Variants in DPP8 observed in about 807,000 individuals in gnomAD.
DPP8 encodes DPP VIII.
A neutral mutation model predicts 107.5 loss-of-function variants in DPP8; 31 were observed. The ratio of observed to expected loss-of-function variants is 0.29; its 90% CI spans 0.22 to 0.39. DPP8 has a LOEUF of 0.39. DPP8 is among the 10% of genes least tolerant of loss of function. DPP8 has a pLI of 1.00. For missense variants in DPP8, 842 were observed against 1,076.1 expected (o/e 0.78, Z 3.04); for synonymous variants, 381 against 356.6 (o/e 1.07, Z -0.77).
At chr15:65,478,044 T>C (rs1208336507) in intron 11 of DPP8, among the ~76,000 whole-genome samples, 1 of 152,186 alleles carries the variant, frequency 6.6e-6, no homozygotes, top group Admixed American at 6.6e-5. Context: ...TTCCGTATTA[T>C]ATTTTCCAGA....
chr15:65,455,162 T>C (rs1056622635), intron 16 of DPP8, among the ~76,000 whole-genome samples: 12 of 152,202 alleles, frequency 7.9e-5, no homozygotes, highest in Non-Finnish European at 1.8e-4. Context: ...AGACATGGTC[T>C]CACTCTGCTG....
At chr15:65,451,916 C>T in intron 18 of DPP8, 44 bp downstream of exon 18, 1 of 1,530,816 alleles carries the variant, frequency 6.5e-7, no homozygotes, top group Non-Finnish European at 8.7e-7. Context: ...CAGAGTGAGA[C>T]CCTGTCTCAA....
At chr15:65,494,300 G>A (rs910698863) in intron 5 of DPP8, among the ~76,000 whole-genome samples, 2 of 151,858 alleles carry the variant, frequency 1.3e-5, no homozygotes, top group Non-Finnish European at 2.9e-5. Context: ...AACAGAGCCT[G>A]ACTATCCATG....
chr15:65,477,450 C>T (rs866637337), intron 11 of DPP8, among the ~76,000 whole-genome samples: 1 of 151,280 alleles, frequency 6.6e-6, no homozygotes, highest in Non-Finnish European at 1.5e-5. Context: ...TAAAAACATA[C>T]TCAATGTCAC....
chr15:65,490,406 C>A, intron 5 of DPP8, 107 bp from the exon 6 acceptor site: 1 of 738,634 alleles, frequency 1.4e-6, no homozygotes, highest in Non-Finnish European at 2.4e-6. Context: ...CAGTGGTAAA[C>A]TCTGGAGCTG....
chr15:65,486,866 C>T (rs1291821984), intron 7 of DPP8, among the ~76,000 whole-genome samples: 1 of 152,064 alleles, frequency 6.6e-6, no homozygotes, highest in African/African-American at 2.4e-5. Flanking sequence ...AAAGACTACA[C>T]ATTGGGTACA....
chr15:65,479,980 T>C (rs1304626727), intron 10 of DPP8, among the ~76,000 whole-genome samples: 1 of 151,898 alleles, frequency 6.6e-6, no homozygotes, highest in Non-Finnish European at 1.5e-5. Flanking sequence ...GTATATTTAA[T>C]ATCTATTATC....
chr15:65,512,777 T>C (rs1833130867), intron 1 of DPP8: 1 of 577,026 alleles, frequency 1.7e-6, no homozygotes, highest in Non-Finnish European at 3.0e-6. Context: ...TGAGGTCAGG[T>C]CTACTTCACA....
At chr15:65,466,953 A>C in intron 13 of DPP8, 118 bp downstream of exon 13, 1 of 1,446,326 alleles carries the variant, frequency 6.9e-7, no homozygotes, top group Non-Finnish European at 9.3e-7. Flanking sequence ...TAAGCTTTTT[A>C]AAGCTTTTCC....
chr15:65,505,187 G>C (rs1010577400), intron 3 of DPP8, among the ~76,000 whole-genome samples: 1 of 151,134 alleles, frequency 6.6e-6, no homozygotes, highest in Non-Finnish European at 1.5e-5. Context: ...AACCCCGTCC[G>C]TACTAAAAAT....
chr15:65,456,351 C>T lies in DPP8; in HGVS notation c.1992G>A (p.Arg664=), dbSNP rs574744033. The T allele has an allele frequency of 8.7e-6, 14 of 1,613,216 alleles. No homozygotes were observed. The Admixed American group carries it at 1.5e-4, about 17-fold the overall frequency. ...GGPQVQLVNN[R]FKGVKYFRLN... ...AGCGGAAATACTTGACTCCTTTAAA[C>T]CGATTATTCACCAACTGCACCTGAG... Residue 664 remains arginine, a synonymous_variant, in exon 16 of 20, where the codon CGG becomes CGA. Transcript: ENST00000300141.
At chr15:65,491,693 T>A (rs1328670005) in intron 5 of DPP8, among the ~76,000 whole-genome samples, 1 of 152,228 alleles carries the variant, frequency 6.6e-6, no homozygotes, top group African/African-American at 2.4e-5. Context: ...TTAATGGATA[T>A]CTTGTCTGTT....
chr15:65,515,351 A>C (rs112957313), intron 1 of DPP8, among the ~76,000 whole-genome samples: 1 of 152,224 alleles, frequency 6.6e-6, no homozygotes, highest in Non-Finnish European at 1.5e-5. Flanking sequence ...ATACACATGC[A>C]TACTTGCGTG....
chr15:65,499,804 G>C (rs1346550304), intron 4 of DPP8, among the ~76,000 whole-genome samples: 2 of 152,098 alleles, frequency 1.3e-5, no homozygotes, highest in Non-Finnish European at 2.9e-5. Flanking sequence ...AGGCTCAAAT[G>C]ATCTGCCCAC....
Position 65,469,645 on chromosome 15 carries a change from CTCCG to C in DPP8, c.1537-2426_1537-2423del, listed in dbSNP as rs1219778823. Among the ~76,000 whole-genome samples the C allele has an allele frequency of 2.7e-3, 300 of 112,436 alleles. 4 individuals carry two copies. Among genetic ancestry groups the C allele is most frequent in the African/African-American group, 0.01 (285 of 27,314 alleles). The allele number at this position is 112,436 out of a possible 152,430, so 73.8% of individuals were successfully genotyped here. ...TCTAGCCTGGGCAACAAAAGCAAAACTCCGTCTCAAAAAAAAAAAAAAAAAAAAA... is the reference window on the plus strand; with the variant it reads ...TCTAGCCTGGGCAACAAAAGCAAAACTCTCAAAAAAAAAAAAAAAAAAAAA... On this transcript the variant is annotated intron_variant, in intron 12 of 19. Coordinates refer to ENST00000300141, the MANE Select transcript of DPP8 (RefSeq NM_130434.5).
chr15:65,490,643 A>G (rs77440137), intron 5 of DPP8, among the ~76,000 whole-genome samples: 8,453 of 152,252 alleles, frequency 0.056, 806 homozygotes, highest in African/African-American at 0.19. Context: ...TCATGGAAAA[A>G]AGATTACAAG....
At chr15:65,461,639 G>A (rs1026692277) in intron 15 of DPP8, among the ~76,000 whole-genome samples, 14 of 150,254 alleles carry the variant, frequency 9.3e-5, no homozygotes, top group African/African-American at 2.9e-4. Flanking sequence ...GTCTCGCTGT[G>A]TTGTCCAGGC....
intron 3 of DPP8, among the ~76,000 whole-genome samples, chr15:65,503,555 C>T (rs2069515218): frequency 6.6e-6 from 1 of 152,142 alleles, no homozygotes; most frequent in Non-Finnish European, 1.5e-5. Context: ...ATTCTCCTGC[C>T]TCAGCCTCAC....
rs200974729 is a variant in DPP8, at chr15:65,474,271, T to A, written c.1474A>T (p.Ile492Phe). 6.2e-7 allele frequency: 1 copy of A among 1,610,830 alleles called. No homozygotes were observed. The highest frequency in any genetic ancestry group is 8.5e-7 in the Non-Finnish European group (1 of 1,177,076). Reference sequence around the variant, plus strand: ...CTGGTAATTGCTATCTCCTCTTTGATAGGACACTTGAAATCACCTGAAGAT... The same window carrying A: ...CTGGTAATTGCTATCTCCTCTTTGAAAGGACACTTGAAATCACCTGAAGAT... ...LPAPSDFKCP[I>F]KEEIAITSGE... is the part of the protein sequence containing the mutation. The change falls in exon 12 of 20, where the codon ATC becomes TTC. Residue 492 changes from isoleucine (I) to phenylalanine (F), a missense_variant. By Grantham distance (21) the Ile-to-Phe change is conservative (BLOSUM62 0). Coordinates refer to ENST00000300141, the MANE Select transcript of DPP8 (RefSeq NM_130434.5).
Sources: gnomAD v4.1 joint callset for allele counts (sites outside exome capture counted in the v4.1 genomes callset) on GRCh38, gnomAD v4.1.1 for gene constraint, MANE v1.5 for transcripts, NCBI Gene and HGNC (gene_info 2026-07-23, HGNC 2026-07-21) for gene names.